Variants in VPS41 observed in about 807,000 individuals in gnomAD.
VPS41 encodes the protein vacuolar protein sorting-associated protein 41 homolog.
VPS41 carries 85 observed loss-of-function variants against 130.9 expected under a neutral mutation model. That is an observed-to-expected ratio of 0.65 (90% CI 0.55 to 0.78). The LOEUF (loss-of-function observed/expected upper bound fraction) is 0.78, where lower values mean the gene tolerates loss of function less well. VPS41 is among the 30% of genes least tolerant of loss of function. The pLI, the probability that VPS41 is intolerant of heterozygous loss-of-function variation, is 0.00. For missense variants in VPS41, 874 were observed against 1,018.7 expected (o/e 0.86, Z 1.93); for synonymous variants, 335 against 332.9 (o/e 1.01, Z -0.07).
At chr7:38,736,029 C>A (rs1164482857) in intron 25 of VPS41, among the ~76,000 whole-genome samples, 1 of 152,022 alleles carries the variant, frequency 6.6e-6, no homozygotes, top group Non-Finnish European at 1.5e-5. Context: ...CCCAATTATA[C>A]CTAAAAATCT....
At chr7:38,854,907 T>C (rs1785947388) in intron 4 of VPS41, among the ~76,000 whole-genome samples, 1 of 147,570 alleles carries the variant, frequency 6.8e-6, no homozygotes, top group African/African-American at 2.5e-5. Flanking sequence ...TTAAGCCATG[T>C]AAAGGATAAA....
intron 2 of VPS41, among the ~76,000 whole-genome samples, chr7:38,877,441 C>G (rs748555786): frequency 6.6e-6 from 1 of 152,070 alleles, no homozygotes; most frequent in Non-Finnish European, 1.5e-5. Flanking sequence ...AGAAGTGGAA[C>G]TATATCATCT....
At chr7:38,816,357 C>T (rs536211371) in intron 7 of VPS41, among the ~76,000 whole-genome samples, 4 of 152,152 alleles carry the variant, frequency 2.6e-5, no homozygotes, top group Admixed American at 2.0e-4. Context: ...CTCATTACAA[C>T]GAGTCATGTA....
Position 38,792,071 on chromosome 7 carries a change from G to A in VPS41, c.718-2204C>T, listed in dbSNP as rs550718270. Reference sequence around the variant, plus strand: ...CACACCAAGGCCTGACTGGTATCTCGCTGGTCATGCCACAGCTTGAGAACA... The same window carrying A: ...CACACCAAGGCCTGACTGGTATCTCACTGGTCATGCCACAGCTTGAGAACA... On this transcript the variant is annotated intron_variant, in intron 9 of 28. Transcript: ENST00000310301. Among the ~76,000 whole-genome samples, 176 of 152,236 alleles carry A rather than the reference G, an allele frequency of 1.2e-3. 4 individuals carry two copies. The highest frequency in any genetic ancestry group is 8.3e-4 in the South Asian group (4 of 4,818).
intron 13 of VPS41, among the ~76,000 whole-genome samples, chr7:38,772,180 A>G (rs2115844718): frequency 6.6e-6 from 1 of 152,282 alleles, no homozygotes; most frequent in Admixed American, 6.5e-5. Context: ...ATAAGTATAA[A>G]ATAAACGATT....
At chr7:38,754,620 G>T in intron 21 of VPS41, 82 bp downstream of exon 21, 4 of 1,155,324 alleles carry the variant, frequency 3.5e-6, no homozygotes, top group Non-Finnish European at 5.1e-6. Context: ...ATTCACTCCA[G>T]TATCCTCCTC....
intron 4 of VPS41, among the ~76,000 whole-genome samples, chr7:38,849,917 C>A (rs368879658): frequency 1.1e-4 from 14 of 132,930 alleles, no homozygotes; most frequent in Admixed American, 4.7e-4. Context: ...TTCCTTGCCC[C>A]CCTTCCATAT....
chr7:38,817,973 A>T (rs1785092139), intron 6 of VPS41, 91 bp from the exon 7 acceptor site: 12 of 986,246 alleles, frequency 1.2e-5, no homozygotes, highest in Middle Eastern at 4.1e-4. Context: ...AGCATGATCT[A>T]AAAATTATCC....
intron 2 of VPS41, among the ~76,000 whole-genome samples, chr7:38,869,788 A>G (rs1014169368): frequency 6.6e-6 from 1 of 152,140 alleles, no homozygotes; most frequent in Non-Finnish European, 1.5e-5. Context: ...TAGAGGGTGA[A>G]GACTATGGAA....
intron 4 of VPS41, among the ~76,000 whole-genome samples, chr7:38,833,615 C>G (rs1785435417): frequency 6.6e-6 from 1 of 152,188 alleles, no homozygotes; most frequent in Non-Finnish European, 1.5e-5. Flanking sequence ...AAAAAGTCAA[C>G]ATTTTACCCA....
chr7:38,763,418 G>T (rs369668349), intron 17 of VPS41, 37 bp downstream of exon 17: 26 of 1,400,848 alleles, frequency 1.9e-5, no homozygotes, highest in African/African-American at 4.4e-5. Context: ...ACCTCCCATC[G>T]AGAACAAGTA....
At position 38,789,868 on chromosome 7, in the gene VPS41, C is replaced by G; in HGVS notation, c.718-1G>C. On this transcript the variant is annotated splice_acceptor_variant, in intron 9 of 28. Coordinates refer to ENST00000310301, the MANE Select transcript of VPS41 (RefSeq NM_014396.4). LOFTEE classifies it high-confidence loss of function. Reference sequence around the variant, plus strand: ...CATGCCGTTCCTTCACTGAGCACACCTGGAAAATAAGTTCGCAGGTTATTT... The same window carrying G: ...CATGCCGTTCCTTCACTGAGCACACGTGGAAAATAAGTTCGCAGGTTATTT... 2 of 1,613,582 alleles carry G rather than the reference C, an allele frequency of 1.2e-6. No individual in the cohort carries two copies. Among genetic ancestry groups the G allele is most frequent in the Non-Finnish European group, 1.7e-6 (2 of 1,179,668 alleles).
chr7:38,753,876 C>G (rs1334831039), intron 21 of VPS41, among the ~76,000 whole-genome samples: 1 of 152,126 alleles, frequency 6.6e-6, no homozygotes, highest in Non-Finnish European at 1.5e-5. Context: ...AAGCAGAAAA[C>G]TGACTTTTGA....
chr7:38,898,622 T>G (rs1429272280), intron 1 of VPS41, among the ~76,000 whole-genome samples: 1 of 152,248 alleles, frequency 6.6e-6, no homozygotes, highest in Non-Finnish European at 1.5e-5. Flanking sequence ...TCAGACCCTG[T>G]GTAAACAAGC....
At chr7:38,831,977 C>A (rs1461254593) in intron 4 of VPS41, among the ~76,000 whole-genome samples, 2 of 152,148 alleles carry the variant, frequency 1.3e-5, no homozygotes, top group African/African-American at 4.8e-5. Context: ...TCCCACGTAC[C>A]TCTATTAGCA....
chr7:38,795,272 C>A (rs1242493700), intron 9 of VPS41, among the ~76,000 whole-genome samples, 193 bp downstream of exon 9: 4 of 152,178 alleles, frequency 2.6e-5, no homozygotes, highest in Non-Finnish European at 5.9e-5. Flanking sequence ...GTTTTACATG[C>A]CATGGAAAAG....
At chr7:38,790,793 C>T (rs1272711523) in intron 9 of VPS41, among the ~76,000 whole-genome samples, 1 of 152,202 alleles carries the variant, frequency 6.6e-6, no homozygotes, top group Non-Finnish European at 1.5e-5. Flanking sequence ...CCTTTTATTA[C>T]ATGAATGTAC....
intron 16 of VPS41, 100 bp downstream of exon 16, chr7:38,765,480 C>T (rs1330040536): frequency 2.5e-5 from 16 of 649,020 alleles, no homozygotes; most frequent in Admixed American, 6.9e-5. Context: ...AGATAATAAT[C>T]ACGTCCTAAA....
intron 22 of VPS41, among the ~76,000 whole-genome samples, chr7:38,749,904 C>T (rs533962018): frequency 6.6e-6 from 1 of 152,290 alleles, no homozygotes; most frequent in South Asian, 2.1e-4. Flanking sequence ...GCTTTCTCGC[C>T]TAGGCCGGAG....
Sources: allele counts gnomAD v4.1 joint callset (sites outside exome capture counted in the v4.1 genomes callset), GRCh38; gene constraint gnomAD v4.1.1; transcripts MANE v1.5; gene names NCBI Gene and HGNC (gene_info 2026-07-23, HGNC 2026-07-21).